SEPSECS: variants seen among roughly 807,000 people sequenced by gnomAD.
SEPSECS encodes Sep (O-phosphoserine) tRNA:Sec (selenocysteine) tRNA synthase, also known as O-phosphoseryl-tRNA(Sec) selenium transferase.
In SEPSECS, 42 loss-of-function variants were observed where a neutral mutation model predicts 52.1. The observed-to-expected ratio is 0.81, with a 90% CI of 0.63 to 1.04. The LOEUF (loss-of-function observed/expected upper bound fraction) is 1.04. SEPSECS is among the 50% of genes least tolerant of loss of function. The pLI, the probability that SEPSECS is intolerant of heterozygous loss-of-function variation, is 0.00. For missense variants in SEPSECS, 590 were observed against 610.6 expected (o/e 0.97, Z 0.36); for synonymous variants, 216 against 211.4 (o/e 1.02, Z -0.19).
Position 25,156,117 on chromosome 4 carries a change from C to T in SEPSECS, c.467G>A (p.Arg156Gln), listed in dbSNP as rs776438003. Residue 156 changes from arginine (R) to glutamine (Q), a missense_variant, in exon 4 of 11, where the codon CGA becomes CAA. Transcript: ENST00000382103. Reference sequence around the variant, plus strand: ...ATACTTTGCCTTTGGTCTTTTGTGTCGTAATGTTAAGAAACACAGAGTTAG... The same window carrying T: ...ATACTTTGCCTTTGGTCTTTTGTGTTGTAATGTTAAGAAACACAGAGTTAG... ...MSLTLCFLTL[R>Q]HKRPKAKYII... 2.5e-6 allele frequency: 4 copies of T among 1,613,820 alleles called. No homozygotes were observed. Among genetic ancestry groups the T allele is most frequent in the South Asian group, 1.1e-5 (1 of 91,070 alleles).
rs533008679 is a variant in SEPSECS at position 25,155,943 on chromosome 4, GAGTT to G, written c.547+90_547+93del. On this transcript the variant is annotated intron_variant, in intron 4 of 10. Coordinates refer to ENST00000382103, the MANE Select transcript of SEPSECS (RefSeq NM_016955.4). The stretch of plus-strand genomic sequence containing the variant: ...TCTTTTAAAAAAGCAATAGGGAAGA[GAGTT>G]AGTTTATTTTTCATTTATCTATCTT... 4.1e-4 allele frequency: 488 copies of G among 1,182,124 alleles called. 4 individuals carry two copies. The African/African-American group carries it at 6.4e-3, about 15-fold the overall frequency. The allele number at this position is 1,182,124 out of a possible 1,614,324, so 73.2% of individuals were successfully genotyped here.
chr4:25,152,270 G>C (rs1712351569), intron 5 of SEPSECS, among the ~76,000 whole-genome samples: 1 of 151,810 alleles, frequency 6.6e-6, no homozygotes, highest in Non-Finnish European at 1.5e-5. Context: ...AACCTAAAAA[G>C]GCTTTTAAAT....
At chr4:25,157,766 G>T (rs1057320320) in intron 2 of SEPSECS, among the ~76,000 whole-genome samples, 1 of 143,022 alleles carries the variant, frequency 7.0e-6, no homozygotes, top group Admixed American at 6.9e-5. Flanking sequence ...AGGATGGTGT[G>T]GATCTCCTGA....
intron 8 of SEPSECS, among the ~76,000 whole-genome samples, chr4:25,140,636 G>GT (rs775678073): frequency 5.9e-5 from 9 of 152,164 alleles, no homozygotes; most frequent in East Asian, 5.8e-4. Context: ...CTTCCACATA[G>GT]TAAGTGCTCA....
In SEPSECS at chr4:25,120,615, T is replaced by C. The variant is rs1203119516; in HGVS notation, c.*3316A>G. ...GACTTTTTTCAGTTACAAAATAAGG[T>C]TGGCCTCAAAAATGCAAAACATAAC... On this transcript the variant is annotated 3_prime_UTR_variant, in exon 11 of 11. Coordinates refer to ENST00000382103, the MANE Select transcript of SEPSECS (RefSeq NM_016955.4). 1 of 152,170 alleles carries C rather than the reference T, an allele frequency of 6.6e-6. No homozygotes were observed. The highest frequency in any genetic ancestry group is 2.4e-5 in the African/African-American group (1 of 41,454). The allele number at this position is 152,170 out of a possible 1,614,324, so 9.4% of individuals were successfully genotyped here.
At position 25,160,220 on chromosome 4, in the gene SEPSECS, T is replaced by G. The variant is rs750390434; in HGVS notation, c.114+36A>C. ...GCCCGGCGGAGCCAGAGCCCCGGGG[T>G]CGCGGCGGCTGGGGAGGGGACCGAC... On this transcript the variant is annotated intron_variant, in intron 1 of 10. Coordinates refer to ENST00000382103, the MANE Select transcript of SEPSECS (RefSeq NM_016955.4). 3.2e-6 allele frequency: 5 copies of G among 1,547,156 alleles called. 1 individual carries two copies. Among genetic ancestry groups the G allele is most frequent in the East Asian group, 4.9e-5 (2 of 40,884 alleles).
intron 8 of SEPSECS, among the ~76,000 whole-genome samples, chr4:25,140,870 A>G (rs545869901): frequency 6.6e-6 from 1 of 151,776 alleles, no homozygotes; most frequent in East Asian, 1.9e-4. Flanking sequence ...CTCCATATCC[A>G]TGAGTTCTGC....
At position 25,159,110 on chromosome 4, in the gene SEPSECS, T is replaced by TG; in HGVS notation, c.115-4_115-3insC. ...CAGCCATTCTCTGGACACTTGCCCT[T>TG]AAAAAAAAAAAAAAACTTATGATTA... On this transcript the variant is annotated splice_region_variant and splice_polypyrimidine_tract_variant and intron_variant, in intron 1 of 10. Coordinates refer to ENST00000382103, the MANE Select transcript of SEPSECS (RefSeq NM_016955.4). The TG allele has an allele frequency of 8.2e-6, 12 of 1,461,982 alleles. No homozygotes were observed. The highest frequency in any genetic ancestry group is 1.0e-5 in the Non-Finnish European group (11 of 1,086,966). 90.6% of individuals were successfully genotyped at this position (1,461,982 alleles called of 1,614,324 possible). A position where few individuals can be genotyped will look rare whatever the true frequency, so the allele number is the denominator to read the frequency against.
At position 25,124,122 on chromosome 4, in the gene SEPSECS, C is replaced by T. The variant is rs747522742; in HGVS notation, c.1315G>A (p.Ala439Thr). ...ACATCCTGCATCTTCATTCCGATGG[C>T]TGATGCAGCATTGAGGTAAGCACAA... Reference protein sequence around the residue: ...YPCAYLNAASAIGMKMQDVDL... With the variant: ...YPCAYLNAASTIGMKMQDVDL... The change falls in exon 11 of 11, where the codon GCC (alanine) becomes ACC (threonine). Residue 439 changes from alanine to threonine, a missense_variant. Physicochemically the swap from Ala to Thr is moderately conservative, Grantham distance 58 (BLOSUM62 0). Coordinates refer to ENST00000382103, the MANE Select transcript of SEPSECS (RefSeq NM_016955.4). The T allele has an allele frequency of 6.2e-7, 1 of 1,613,592 alleles. No individual in the cohort carries two copies.
intron 6 of SEPSECS, among the ~76,000 whole-genome samples, chr4:25,149,488 T>TA (rs1257114844): frequency 1.3e-5 from 2 of 152,020 alleles, no homozygotes; most frequent in South Asian, 2.1e-4. Flanking sequence ...AATATAACAC[T>TA]AAAAAAATTA....
intron 4 of SEPSECS, among the ~76,000 whole-genome samples, chr4:25,155,810 C>G (rs556430324): frequency 1.3e-5 from 2 of 152,114 alleles, no homozygotes; most frequent in East Asian, 3.9e-4. Context: ...CAAAGGTCCC[C>G]CAACAAATAA....
chr4:25,155,024 G>C lies in SEPSECS; in HGVS notation c.675C>G (p.Ser225=). Residue 225 remains serine, a synonymous_variant, in exon 5 of 11, where the codon TCC becomes TCG. Coordinates refer to ENST00000382103, the MANE Select transcript of SEPSECS (RefSeq NM_016955.4). The stretch of plus-strand genomic sequence containing the variant: ...TATCAGGCACCCTTGGAGCAAAACA[G>C]GATGTAGTAGAATGAATACACAGAA... ...DCILCIHSTT[S]CFAPRVPDRL... The C allele has an allele frequency of 6.2e-7, 1 of 1,614,116 alleles. No homozygotes were observed. Among genetic ancestry groups the C allele is most frequent in the East Asian group, 2.2e-5 (1 of 44,876 alleles).
intron 6 of SEPSECS, among the ~76,000 whole-genome samples, chr4:25,150,506 T>C (rs570695246): frequency 6.6e-6 from 1 of 152,080 alleles, no homozygotes; most frequent in African/African-American, 2.4e-5. Flanking sequence ...CAAATGGTGA[T>C]AAGTGTTCTG....
rs557628809 is a variant in SEPSECS, at chr4:25,158,414, T to C, written c.269+539A>G. On this transcript the variant is annotated intron_variant, in intron 2 of 10. Coordinates refer to ENST00000382103, the MANE Select transcript of SEPSECS (RefSeq NM_016955.4). ...CAATTAACTACCAATTAAATCGTTA[T>C]CAGAATTGATGAAAAGCTTTCTGCA... 3.9e-5 allele frequency among the ~76,000 whole-genome samples: 6 copies of C among 152,280 alleles called. No homozygotes were observed. In the East Asian group the frequency reaches 1.2e-3, roughly 29 times the overall value.
Position 25,145,133 on chromosome 4 carries a change from C to T in SEPSECS, c.805G>A (p.Gly269Arg). 6.2e-7 allele frequency: 1 copy of T among 1,613,712 alleles called. No individual in the cohort carries two copies. The highest frequency in any genetic ancestry group is 8.5e-7 in the Non-Finnish European group (1 of 1,179,860). The change falls in exon 7 of 11, where the codon GGG becomes AGG. Residue 269 changes from glycine to arginine, a missense_variant and splice_region_variant. Coordinates refer to ENST00000382103, the MANE Select transcript of SEPSECS (RefSeq NM_016955.4). ...GCATCTATTCTACCAACTCGAGCCC[C>T]CTGGAATCAATATGATATTACATAT... ...SSKCMHLIQQ[G>R]ARVGRIDAFV...
intron 5 of SEPSECS, among the ~76,000 whole-genome samples, chr4:25,153,901 A>G (rs1255068363): frequency 6.6e-6 from 1 of 152,104 alleles, no homozygotes; most frequent in Non-Finnish European, 1.5e-5. Flanking sequence ...TACTGTAAAC[A>G]TTCAAAAGAC....
At chr4:25,133,701 C>G (rs1293447075) in intron 8 of SEPSECS, among the ~76,000 whole-genome samples, 2 of 152,130 alleles carry the variant, frequency 1.3e-5, no homozygotes, top group African/African-American at 4.8e-5. Flanking sequence ...AAGTACAATG[C>G]CTGTTATATA....
intron 8 of SEPSECS, among the ~76,000 whole-genome samples, chr4:25,130,372 A>G (rs1728562110): frequency 6.6e-6 from 1 of 152,256 alleles, no homozygotes; most frequent in South Asian, 2.1e-4. Context: ...GCTATTAAAA[A>G]GTGAATTTGC....
Position 25,159,556 on chromosome 4 carries a change from GA to G in SEPSECS, c.115-450del, listed in dbSNP as rs370747016. The G allele has an allele frequency of 7.3e-5, 31 of 422,120 alleles. No homozygotes were observed. In the East Asian group the frequency reaches 2.2e-3, roughly 30 times the overall value. The allele number at this position is 422,120 out of a possible 1,614,324, so 26.1% of individuals were successfully genotyped here. A position where few individuals can be genotyped will look rare whatever the true frequency, so the allele number is the denominator to read the frequency against. On this transcript the variant is annotated intron_variant, in intron 1 of 10. Transcript: ENST00000382103. Reference sequence around the variant, plus strand: ...GAAGGCCAAGAATGGCCGATCACTTGAAGTCAGGAGTTTGAGATCAGCCTGG... The same window carrying G: ...GAAGGCCAAGAATGGCCGATCACTTGAGTCAGGAGTTTGAGATCAGCCTGG...
Sources: gnomAD v4.1 joint callset for allele counts (sites outside exome capture counted in the v4.1 genomes callset) on GRCh38, gnomAD v4.1.1 for gene constraint, MANE v1.5 for transcripts, NCBI Gene and HGNC (gene_info 2026-07-23, HGNC 2026-07-21) for gene names.